The following LIN7A variants were observed in gnomAD, a reference collection of about 807,000 sequenced individuals.
LIN7A encodes the protein protein lin-7 homolog A.
A neutral mutation model predicts 29.8 loss-of-function variants in LIN7A; 25 were observed. The observed-to-expected ratio is 0.84, with a 90% confidence interval of 0.61 to 1.17. LIN7A has a LOEUF of 1.17. Ranked by LOEUF, LIN7A falls within the 50% of genes most tolerant of loss-of-function variation. The pLI is 0.00. For synonymous variants in LIN7A, 118 were observed against 107.5 expected (o/e 1.10, Z -0.60); for missense variants, 239 against 287.0 (o/e 0.83, Z 1.21).
intron 1 of LIN7A, among the ~76,000 whole-genome samples, chr12:80,894,861 T>C (rs911011347): frequency 6.6e-6 from 1 of 152,160 alleles, no homozygotes; most frequent in African/African-American, 2.4e-5. Context: ...TACTATTATT[T>C]ATACTGCACA....
intron 2 of LIN7A, among the ~76,000 whole-genome samples, chr12:80,851,063 C>T (rs1021141992): frequency 2.0e-5 from 3 of 152,146 alleles, no homozygotes; most frequent in Non-Finnish European, 4.4e-5. Flanking sequence ...AATCTTTCCT[C>T]TTTCAACCGT....
At chr12:80,895,426 T>C (rs1450242986) in intron 1 of LIN7A, among the ~76,000 whole-genome samples, 1 of 152,226 alleles carries the variant, frequency 6.6e-6, no homozygotes, top group Non-Finnish European at 1.5e-5. Flanking sequence ...GAATTTGACT[T>C]ATGACGCATC....
intron 4 of LIN7A, among the ~76,000 whole-genome samples, chr12:80,833,709 T>C (rs921222957): frequency 6.6e-6 from 1 of 152,326 alleles, no homozygotes; most frequent in East Asian, 1.9e-4. Context: ...TCTGTAGATG[T>C]TGTCCCTCTG....
intron 5 of LIN7A, among the ~76,000 whole-genome samples, chr12:80,807,091 T>TGTTTTTTTTTTTTTA (rs1871076069): frequency 7.0e-6 from 1 of 143,550 alleles, no homozygotes; most frequent in African/African-American, 2.6e-5. Context: ...TTTTTTTTTT[T>TGTTTTTTTTTTTTTA]GACGGAGTCT....
At chr12:80,855,122 T>C (rs1873533196) in intron 2 of LIN7A, among the ~76,000 whole-genome samples, 1 of 150,816 alleles carries the variant, frequency 6.6e-6, no homozygotes, top group African/African-American at 2.4e-5. Context: ...TATCAATGAC[T>C]GGAAAAAAAA....
intron 2 of LIN7A, among the ~76,000 whole-genome samples, chr12:80,856,105 G>GA (rs1020257589): frequency 1.3e-5 from 2 of 151,818 alleles, no homozygotes; most frequent in African/African-American, 4.8e-5. Context: ...TGCAAAAAAA[G>GA]AAAAAAGAAA....
chr12:80,937,687 T>C lies in LIN7A; in HGVS notation c.36A>G (p.Ala12=). Residue 12 remains alanine, a synonymous_variant, in exon 1 of 6, where the codon GCA becomes GCG. Transcript: ENST00000552864. ...LKPSVTSAPT[A]DMATLTVVQP... is the part of the protein sequence containing the mutation. ...GGACCACTGTCAATGTCGCCATGTCTGCCGTGGGAGCCGAAGTGACGCTCG... is the reference window on the plus strand; with the variant it reads ...GGACCACTGTCAATGTCGCCATGTCCGCCGTGGGAGCCGAAGTGACGCTCG... The C allele has an allele frequency of 1.3e-6, 2 of 1,555,560 alleles. No individual in the cohort carries two copies. The highest frequency in any genetic ancestry group is 1.7e-6 in the Non-Finnish European group (2 of 1,147,176).
chr12:80,936,003 A>G (rs1878198183), intron 1 of LIN7A, among the ~76,000 whole-genome samples: 1 of 152,190 alleles, frequency 6.6e-6, no homozygotes, highest in African/African-American at 2.4e-5. Flanking sequence ...TGCTCCTAAC[A>G]TAGTCACTTG....
intron 1 of LIN7A, among the ~76,000 whole-genome samples, chr12:80,908,088 C>T (rs941293281): frequency 1.3e-5 from 2 of 152,018 alleles, no homozygotes; most frequent in Non-Finnish European, 2.9e-5. Context: ...AAGTTAAAAC[C>T]AGTACAAAGA....
chr12:80,813,535 TATAAG>T (rs1199438336), intron 4 of LIN7A, among the ~76,000 whole-genome samples: 2 of 152,126 alleles, frequency 1.3e-5, no homozygotes, highest in African/African-American at 2.4e-5. Flanking sequence ...CACACATACT[TATAAG>T]ATAGATACAG....
intron 2 of LIN7A, among the ~76,000 whole-genome samples, chr12:80,873,455 C>T (rs943828724): frequency 1.3e-5 from 2 of 151,418 alleles, no homozygotes; most frequent in Non-Finnish European, 2.9e-5. Flanking sequence ...ACTGCTTGAG[C>T]CCAGGAGTTT....
rs1873031543 is a variant in LIN7A at position 80,845,571 on chromosome 12, G to C, written c.483+159C>G. ...TGAAATGAGACATAAAAATTAGATTGCAGCTTTTATAGGTTTAATATCCAT... is the reference window on the plus strand; with the variant it reads ...TGAAATGAGACATAAAAATTAGATTCCAGCTTTTATAGGTTTAATATCCAT... On this transcript the variant is annotated intron_variant, in intron 4 of 5. Coordinates refer to ENST00000552864, the MANE Select transcript of LIN7A (RefSeq NM_004664.4). 36 of 522,480 alleles carry C rather than the reference G, an allele frequency of 6.9e-5. No individual in the cohort carries two copies. In the East Asian group the frequency reaches 1.2e-3, roughly 17 times the overall value. 32.4% of individuals were successfully genotyped at this position (522,480 alleles called of 1,614,324 possible). A position where few individuals can be genotyped will look rare whatever the true frequency, so the allele number is the denominator to read the frequency against.
intron 2 of LIN7A, among the ~76,000 whole-genome samples, chr12:80,881,656 C>T (rs377623218): frequency 6.6e-6 from 1 of 151,648 alleles, no homozygotes; most frequent in Admixed American, 6.6e-5. Flanking sequence ...TGTACACACA[C>T]ATATATATAT....
At chr12:80,820,201 A>G (rs1385026822) in intron 4 of LIN7A, among the ~76,000 whole-genome samples, 2 of 152,226 alleles carry the variant, frequency 1.3e-5, no homozygotes, top group African/African-American at 4.8e-5. Context: ...TGATAGGAGC[A>G]TGCATAATGT....
intron 2 of LIN7A, among the ~76,000 whole-genome samples, chr12:80,885,932 A>C (rs1335816995): frequency 6.6e-6 from 1 of 152,262 alleles, no homozygotes; most frequent in East Asian, 1.9e-4. Context: ...TAAGGCAATA[A>C]AAATATTTTT....
intron 1 of LIN7A, among the ~76,000 whole-genome samples, chr12:80,933,498 A>G (rs7310000): frequency 0.19 from 28,340 of 152,122 alleles, 2,872 homozygotes; most frequent in East Asian, 0.34. Context: ...AATGCTAACC[A>G]AACAGGCCCT....
intron 2 of LIN7A, among the ~76,000 whole-genome samples, chr12:80,851,689 G>A (rs917631294): frequency 3.3e-5 from 5 of 152,020 alleles, no homozygotes; most frequent in African/African-American, 1.2e-4. Context: ...TTTAATGAGG[G>A]GCTTATACGT....
chr12:80,883,001 C>T (rs151188773), intron 2 of LIN7A, among the ~76,000 whole-genome samples: 96 of 152,252 alleles, frequency 6.3e-4, no homozygotes, highest in African/African-American at 2.2e-3. Flanking sequence ...CTGCACTTTT[C>T]CATTATATTA....
chr12:80,906,264 TA>T (rs1460471887), intron 1 of LIN7A, among the ~76,000 whole-genome samples: 2 of 152,194 alleles, frequency 1.3e-5, no homozygotes, highest in Non-Finnish European at 2.9e-5. Context: ...TGTCTGAGAA[TA>T]TTGCTATGCC....
Sources: gnomAD v4.1 joint callset for allele counts (sites outside exome capture counted in the v4.1 genomes callset) on GRCh38, gnomAD v4.1.1 for gene constraint, MANE v1.5 for transcripts, NCBI Gene and HGNC (gene_info 2026-07-23, HGNC 2026-07-21) for gene names.